The following HFM1 variants were observed in gnomAD, a reference collection of about 807,000 sequenced individuals.
The protein encoded by HFM1 is helicase for meiosis 1.
A neutral mutation model predicts 192.1 loss-of-function variants in HFM1; 169 were observed. The observed-to-expected ratio is 0.88, with a 90% CI of 0.78 to 1.00. The LOEUF is 1.00. Among genes scored for constraint, HFM1 ranks in the 50% least tolerant of loss-of-function variants. The pLI is 0.00. For synonymous variants in HFM1, 525 were observed against 537.8 expected, an observed-to-expected ratio of 0.98 and a Z score of 0.33; for missense variants, 1,661 against 1,668.0, an observed-to-expected ratio of 1.00 and a Z score of 0.07.
chr1:91,365,527 G>A (rs1314454215), intron 13 of HFM1, among the ~76,000 whole-genome samples: 1 of 152,098 alleles, frequency 6.6e-6, no homozygotes, highest in Non-Finnish European at 1.5e-5. Context: ...AAGACAAGAG[G>A]AAGTTAAGAA....
chr1:91,401,117 A>C lies in HFM1; in HGVS notation c.-27-8T>G, dbSNP rs757265420. The C allele has an allele frequency of 1.7e-6, 2 of 1,202,670 alleles. No homozygotes were observed. Among genetic ancestry groups the C allele is most frequent in the Non-Finnish European group, 2.4e-6 (2 of 844,560 alleles). 74.5% of individuals were successfully genotyped at this position (1,202,670 alleles called of 1,614,324 possible). ...CTGGACTTTGTCATAAATCTACAAA[A>C]TATGGAAAAAGTAGTTTATATTTTA... is the stretch of plus-strand genomic sequence containing the variant. On this transcript the variant is annotated splice_region_variant and splice_polypyrimidine_tract_variant and intron_variant, in intron 1 of 38. Transcript: ENST00000370425.
At chr1:91,372,306 CTAT>C (rs1482828527) in intron 13 of HFM1, among the ~76,000 whole-genome samples, 1 of 152,172 alleles carries the variant, frequency 6.6e-6, no homozygotes, top group African/African-American at 2.4e-5. Context: ...TATTGAGGCA[CTAT>C]TCACAATAGC....
chr1:91,404,618 G>C (rs368727172), intron 1 of HFM1, 180 bp downstream of exon 1: 38 of 257,120 alleles, frequency 1.5e-4, no homozygotes, highest in Non-Finnish European at 2.6e-4. Flanking sequence ...GCGCTGGCGC[G>C]GGCCGGCGGC....
At chr1:91,365,497 A>T (rs937924556) in intron 13 of HFM1, among the ~76,000 whole-genome samples, 4 of 152,168 alleles carry the variant, frequency 2.6e-5, no homozygotes, top group Middle Eastern at 3.2e-3. Flanking sequence ...TTTATTTTTT[A>T]AAAAAGAAAA....
At position 91,315,855 on chromosome 1, in the gene HFM1, C is replaced by G; in HGVS notation, c.3100G>C (p.Gly1034Arg). The G allele has an allele frequency of 1.9e-6, 3 of 1,610,442 alleles. No homozygotes were observed. Among genetic ancestry groups the G allele is most frequent in the Non-Finnish European group, 2.5e-6 (3 of 1,177,922 alleles). Residue 1034 changes from glycine to arginine, a missense_variant, in exon 28 of 39, where the codon GGT becomes CGT. By Grantham distance (125) the Gly-to-Arg change is moderately radical. Coordinates refer to ENST00000370425, the MANE Select transcript of HFM1 (RefSeq NM_001017975.6). ...TAAACTACTTGATTATCTGCGTCACCTATGATTAAGGTAACATAGTGAGAA... is the reference window on the plus strand; with the variant it reads ...TAAACTACTTGATTATCTGCGTCACGTATGATTAAGGTAACATAGTGAGAA... ...SDSHYVTLII[G>R]DADNQVVYLH...
At chr1:91,384,747 C>CT (rs11295340) in intron 6 of HFM1, among the ~76,000 whole-genome samples, 1 of 134,618 alleles carries the variant, frequency 7.4e-6, no homozygotes, top group Non-Finnish European at 1.6e-5. Context: ...ACACATACAT[C>CT]TTTTTTTTTT....
Position 91,279,915 on chromosome 1 carries a change from G to GA in HFM1, c.3392-2854dup, listed in dbSNP as rs533531417. ...GTGAAGTACAGGGAACACTAAAATA[G>GA]AAAAAAAATGAGCTCTAATATAGGC... On this transcript the variant is annotated intron_variant, in intron 30 of 38. Coordinates refer to ENST00000370425, the MANE Select transcript of HFM1 (RefSeq NM_001017975.6). 1.2e-4 allele frequency among the ~76,000 whole-genome samples: 18 copies of GA among 151,500 alleles called. No individual in the cohort carries two copies. The East Asian group carries it at 3.3e-3, about 28-fold the overall frequency.
At chr1:91,270,370 A>G (rs1195795991) in intron 34 of HFM1, among the ~76,000 whole-genome samples, 1 of 147,946 alleles carries the variant, frequency 6.8e-6, no homozygotes, top group South Asian at 2.1e-4. Context: ...AGGTAAGAAG[A>G]AGACAGAGTT....
At chr1:91,391,324 A>T (rs1662959257) in intron 4 of HFM1, among the ~76,000 whole-genome samples, 1 of 152,258 alleles carries the variant, frequency 6.6e-6, no homozygotes, top group Non-Finnish European at 1.5e-5. Flanking sequence ...ACAAAGCTGG[A>T]GGCATCACGC....
chr1:91,390,864 C>T (rs11165718), intron 4 of HFM1, among the ~76,000 whole-genome samples: 30,055 of 151,844 alleles, frequency 0.2, 3,371 homozygotes, highest in Non-Finnish European at 0.26. Flanking sequence ...CCCCATTGTC[C>T]CAGCCCAAAA....
At chr1:91,303,661 T>G (rs1649172357) in intron 30 of HFM1, among the ~76,000 whole-genome samples, 2 of 149,570 alleles carry the variant, frequency 1.3e-5, no homozygotes, top group South Asian at 4.2e-4. Flanking sequence ...TCCATATCCT[T>G]ATCAACACAT....
intron 19 of HFM1, among the ~76,000 whole-genome samples, chr1:91,346,484 T>C (rs1557886505): frequency 6.6e-6 from 1 of 152,220 alleles, no homozygotes; most frequent in African/African-American, 2.4e-5. Context: ...ACATATTTAT[T>C]CTTTAAGCAA....
chr1:91,292,625 G>T (rs1250535812), intron 30 of HFM1, among the ~76,000 whole-genome samples: 3 of 151,864 alleles, frequency 2.0e-5, no homozygotes, highest in Admixed American at 1.3e-4. Context: ...TGGCCATACT[G>T]CCCAAGGTAA....
chr1:91,340,900 C>A (rs2101624667), intron 20 of HFM1, among the ~76,000 whole-genome samples: 1 of 152,202 alleles, frequency 6.6e-6, no homozygotes, highest in Non-Finnish European at 1.5e-5. Context: ...TTTAACTATC[C>A]TAAATATATA....
chr1:91,349,468 GTCTGTC>G (rs889177790), intron 18 of HFM1, among the ~76,000 whole-genome samples: 4 of 152,240 alleles, frequency 2.6e-5, no homozygotes, highest in African/African-American at 4.8e-5. Context: ...TTCTGATTTA[GTCTGTC>G]TCTGTCTCTG....
intron 6 of HFM1, among the ~76,000 whole-genome samples, chr1:91,383,925 T>C (rs1661859788): frequency 3.0e-5 from 1 of 33,788 alleles, no homozygotes; most frequent in Admixed American, 2.4e-4. Flanking sequence ...TTGTACTCCT[T>C]AAAAAATATA....
chr1:91,320,510 G>A (rs1028046520), intron 23 of HFM1, among the ~76,000 whole-genome samples: 3 of 152,160 alleles, frequency 2.0e-5, no homozygotes, highest in Non-Finnish European at 4.4e-5. Flanking sequence ...ACCTAGAGAT[G>A]CACAAATGTG....
At chr1:91,293,573 A>G (rs1477472742) in intron 30 of HFM1, among the ~76,000 whole-genome samples, 7 of 149,518 alleles carry the variant, frequency 4.7e-5, no homozygotes, top group African/African-American at 1.7e-4. Flanking sequence ...GGATGTGGAG[A>G]AATAGGAACA....
chr1:91,296,535 T>C (rs1390648869), intron 30 of HFM1, among the ~76,000 whole-genome samples: 1 of 152,118 alleles, frequency 6.6e-6, no homozygotes, highest in East Asian at 1.9e-4. Context: ...AATTAGCTGG[T>C]TATTTCAGAA....
Sources: gnomAD v4.1 joint callset for allele counts (sites outside exome capture counted in the v4.1 genomes callset) on GRCh38, gnomAD v4.1.1 for gene constraint, MANE v1.5 for transcripts, NCBI Gene and HGNC (gene_info 2026-07-23, HGNC 2026-07-21) for gene names.